TNFRSF11A: variants seen among roughly 807,000 people sequenced by gnomAD.
TNFRSF11A encodes TNF receptor superfamily member 11a.
TNFRSF11A carries 32 observed loss-of-function variants against 55.7 expected under a neutral mutation model. The observed-to-expected ratio is 0.57, with a 90% CI of 0.43 to 0.77. TNFRSF11A has a LOEUF of 0.77. TNFRSF11A is among the 30% of genes least tolerant of loss of function. TNFRSF11A has a pLI of 0.00. For missense variants in TNFRSF11A, 753 were observed against 809.8 expected (o/e 0.93, Z 0.85); for synonymous variants, 311 against 331.0 (o/e 0.94, Z 0.65).
chr18:62,384,710 C>G, intron 9 of TNFRSF11A, 41 bp from the exon 10 acceptor site: 1 of 1,603,524 alleles, frequency 6.2e-7, no homozygotes, highest in Non-Finnish European at 8.5e-7. Context: ...CCTCCGGGCG[C>G]TGACTCACCC....
At chr18:62,376,573 G>T (rs1910913120) in intron 9 of TNFRSF11A, among the ~76,000 whole-genome samples, 2 of 152,102 alleles carry the variant, frequency 1.3e-5, no homozygotes, top group Non-Finnish European at 2.9e-5. Flanking sequence ...CCACTAGAGT[G>T]GTACATTTGC....
intron 1 of TNFRSF11A, among the ~76,000 whole-genome samples, chr18:62,332,403 T>C (rs1209889834): frequency 6.6e-6 from 1 of 152,210 alleles, no homozygotes; most frequent in Non-Finnish European, 1.5e-5. Context: ...TAGTCAGATA[T>C]ACAAGCAGGA....
chr18:62,330,092 C>T (rs1193957321), intron 1 of TNFRSF11A, among the ~76,000 whole-genome samples: 1 of 152,222 alleles, frequency 6.6e-6, no homozygotes, highest in African/African-American at 2.4e-5. Context: ...GTGACTGCAA[C>T]AAATGGAGTA....
intron 1 of TNFRSF11A, chr18:62,336,428 C>G (rs1479156917): frequency 6.6e-6 from 1 of 152,244 alleles, no homozygotes; most frequent in Non-Finnish European, 1.5e-5. Flanking sequence ...TTGGGGACTC[C>G]TGGCCTGAGC....
At chr18:62,337,139 TA>T (rs2046246539) in intron 1 of TNFRSF11A, among the ~76,000 whole-genome samples, 1 of 152,234 alleles carries the variant, frequency 6.6e-6, no homozygotes, top group Non-Finnish European at 1.5e-5. Context: ...CAGTTACCTA[TA>T]TTTTTAAGTT....
chr18:62,369,611 TTAA>T, intron 9 of TNFRSF11A, 127 bp downstream of exon 9: 1 of 1,201,656 alleles, frequency 8.3e-7, no homozygotes, highest in South Asian at 1.3e-5. Flanking sequence ...GCTTTTTCTC[TTAA>T]TAAGCATTTT....
Position 62,325,508 on chromosome 18 carries a change from C to A in TNFRSF11A, c.75+81C>A. Reference sequence around the variant, plus strand: ...CGGGAAGGGCCGGGGCCGGCGGCATCCTGGCTCCTCCGCCTTCCGAGAGGA... The same window carrying A: ...CGGGAAGGGCCGGGGCCGGCGGCATACTGGCTCCTCCGCCTTCCGAGAGGA... On this transcript the variant is annotated intron_variant, in intron 1 of 9. Transcript: ENST00000586569. The surrounding 1 kb of genome is among the most constrained non-coding windows in gnomAD (Gnocchi z 4.7). 1 of 941,870 alleles carries A rather than the reference C, an allele frequency of 1.1e-6. No homozygotes were observed. 58.3% of individuals were successfully genotyped at this position (941,870 alleles called of 1,614,324 possible). A position where few individuals can be genotyped will look rare whatever the true frequency, so the allele number is the denominator to read the frequency against.
At chr18:62,330,406 G>A (rs9956850) in intron 1 of TNFRSF11A, among the ~76,000 whole-genome samples, 4,367 of 152,270 alleles carry the variant, frequency 0.029, 120 homozygotes, top group East Asian at 0.13. Flanking sequence ...TTTGTCTGGC[G>A]GTGAGAACAG....
At position 62,387,768 on chromosome 18, in the gene TNFRSF11A, G is replaced by A. The variant is rs1674841338; in HGVS notation, c.*2734G>A. 6.6e-6 allele frequency: 1 copy of A among 152,136 alleles called. No homozygotes were observed. Among genetic ancestry groups the A allele is most frequent in the Admixed American group, 6.6e-5 (1 of 15,262 alleles). The allele number at this position is 152,136 out of a possible 1,614,324, so 9.4% of individuals were successfully genotyped here. On this transcript the variant is annotated 3_prime_UTR_variant, in exon 10 of 10. Transcript: ENST00000586569. Reference sequence around the variant, plus strand: ...ATGTGTTAGATCAGAACCTTCATGTGGTGGGGAAAATGGGATTATTTCAGT... The same window carrying A: ...ATGTGTTAGATCAGAACCTTCATGTAGTGGGGAAAATGGGATTATTTCAGT...
intron 9 of TNFRSF11A, among the ~76,000 whole-genome samples, chr18:62,377,299 T>C (rs1910968706): frequency 6.6e-6 from 1 of 152,250 alleles, no homozygotes; most frequent in African/African-American, 2.4e-5. Context: ...ACTGAAGGAC[T>C]CTTGGCTGCT....
chr18:62,329,159 A>G (rs2046115338), intron 1 of TNFRSF11A, among the ~76,000 whole-genome samples: 1 of 152,154 alleles, frequency 6.6e-6, no homozygotes, highest in African/African-American at 2.4e-5. Flanking sequence ...TGCTGTATCC[A>G]GTGGTCTCTA....
In TNFRSF11A at chr18:62,358,239, T is replaced by TC; in HGVS notation, c.428-9_428-8insC. The TC allele has an allele frequency of 1.3e-6, 2 of 1,595,976 alleles. No individual in the cohort carries two copies. Among genetic ancestry groups the TC allele is most frequent in the Non-Finnish European group, 8.5e-7 (1 of 1,171,220 alleles). On this transcript the variant is annotated splice_polypyrimidine_tract_variant and intron_variant, in intron 4 of 9. Transcript: ENST00000586569. ...CTGTCTGGGTTGTTTTTTTTTTTTT[T>TC]TCTCACAGTGCAGCTCAACAAGGAC...
intron 9 of TNFRSF11A, among the ~76,000 whole-genome samples, chr18:62,373,601 TG>T (rs1197916613): frequency 2.2e-4 from 33 of 152,224 alleles, no homozygotes; most frequent in Non-Finnish European, 3.4e-4. Context: ...GTATCCTGTT[TG>T]TTCCCCCAAG....
chr18:62,353,606 T>C (rs1252603445), intron 3 of TNFRSF11A, among the ~76,000 whole-genome samples: 1 of 152,176 alleles, frequency 6.6e-6, no homozygotes, highest in African/African-American at 2.4e-5. Flanking sequence ...CAAATAAATT[T>C]TATTGAGCAG....
At chr18:62,372,019 G>A (rs1014999686) in intron 9 of TNFRSF11A, among the ~76,000 whole-genome samples, 1 of 152,146 alleles carries the variant, frequency 6.6e-6, no homozygotes. Flanking sequence ...AGTGACTGGG[G>A]ACTTTTCCTT....
rs121908659 is a variant in TNFRSF11A at position 62,348,249 on chromosome 18, G to A, written c.157G>A (p.Gly53Arg). ...ACGGTGCTGTAACAAATGTGAACCA[G>A]GTACACCTGCTTCTGAGCCACCTTG... ...LGRCCNKCEP[G>R]KYMSSKCTTT... Residue 53 changes from glycine (G) to arginine (R), a missense_variant and splice_region_variant, in exon 2 of 10, where the codon GGA (glycine) becomes AGA (arginine). By Grantham distance (125) the Gly-to-Arg change is moderately radical (BLOSUM62 -2). Transcript: ENST00000586569. 1.2e-6 allele frequency: 2 copies of A among 1,613,848 alleles called. No homozygotes were observed. The highest frequency in any genetic ancestry group is 1.3e-5 in the African/African-American group (1 of 74,888).
chr18:62,352,685 A>C (rs2046491099), intron 3 of TNFRSF11A, among the ~76,000 whole-genome samples: 1 of 152,234 alleles, frequency 6.6e-6, no homozygotes, highest in Admixed American at 6.5e-5. Flanking sequence ...GAGAAGTGGC[A>C]TGTGTCTGTG....
intron 1 of TNFRSF11A, among the ~76,000 whole-genome samples, chr18:62,345,872 C>A (rs1043992564): frequency 1.3e-5 from 2 of 152,174 alleles, no homozygotes; most frequent in African/African-American, 2.4e-5. Context: ...TTTCTGGAAG[C>A]AGTGACTTCC....
At chr18:62,331,086 C>G (rs987353636) in intron 1 of TNFRSF11A, among the ~76,000 whole-genome samples, 2 of 152,112 alleles carry the variant, frequency 1.3e-5, no homozygotes, top group Non-Finnish European at 2.9e-5. Context: ...TGCCTGTAAT[C>G]CCAGCTGCTC....
Sources: allele counts gnomAD v4.1 joint callset (sites outside exome capture counted in the v4.1 genomes callset), GRCh38; gene constraint gnomAD v4.1.1; non-coding constraint Gnocchi (gnomAD v3.1); transcripts MANE v1.5; gene names NCBI Gene and HGNC (gene_info 2026-07-23, HGNC 2026-07-21).